CTNNA2: variants seen among roughly 807,000 people sequenced by gnomAD.
CTNNA2 encodes the protein catenin alpha-2.
CTNNA2 carries 42 observed loss-of-function variants against 101.0 expected under a neutral mutation model. The observed-to-expected ratio is 0.42, with a 90% confidence interval of 0.32 to 0.54. The LOEUF is 0.54. Among genes scored for constraint, CTNNA2 ranks in the 20% least tolerant of loss-of-function variants. The probability of loss-of-function intolerance (pLI) is 0.14; values close to 1 mark genes in which losing one functional copy is unlikely to be tolerated. For synonymous variants in CTNNA2, 450 were observed against 456.4 expected (o/e 0.99, Z 0.18); for missense variants, 871 against 1,223.1 (o/e 0.71, Z 4.29).
chr2:79,990,177 C>T lies in CTNNA2; in HGVS notation c.1056+80380C>T, dbSNP rs181191230. The stretch of plus-strand genomic sequence containing the variant: ...GGTAGATTTAGAAAGATGTGTGCCT[C>T]GCTCTAGGGAGAACTCAGGAAGCAG... On this transcript the variant is annotated intron_variant, in intron 7 of 18. Coordinates refer to ENST00000402739, the MANE Select transcript of CTNNA2 (RefSeq NM_001282597.3). 1.8e-4 allele frequency among the ~76,000 whole-genome samples: 28 copies of T among 152,186 alleles called. No individual in the cohort carries two copies. The East Asian group carries it at 4.4e-3, about 24-fold the overall frequency.
At chr2:79,523,062 T>C (rs1672206061) in intron 1 of CTNNA2, 1 of 232,770 alleles carries the variant, frequency 4.3e-6, no homozygotes. Context: ...GCTGAGATCA[T>C]AGGTATATAT....
At chr2:80,426,895 G>C (rs565541289) in intron 9 of CTNNA2, among the ~76,000 whole-genome samples, 1 of 152,064 alleles carries the variant, frequency 6.6e-6, no homozygotes, top group East Asian at 1.9e-4. Flanking sequence ...GCATTGTTCA[G>C]CTTTCAGCCT....
At chr2:80,391,742 ATTC>A (rs1368412362) in intron 7 of CTNNA2, among the ~76,000 whole-genome samples, 1 of 152,212 alleles carries the variant, frequency 6.6e-6, no homozygotes. Flanking sequence ...GCAGCACGTT[ATTC>A]TTCTCCATAC....
intron 2 of CTNNA2, among the ~76,000 whole-genome samples, chr2:79,711,233 G>A (rs749408484): frequency 2.0e-5 from 3 of 152,086 alleles, no homozygotes; most frequent in Admixed American, 2.0e-4. Context: ...TTGTCTGGTG[G>A]GAATGAGAAT....
At chr2:80,242,120 G>A (rs1391577718) in intron 7 of CTNNA2, among the ~76,000 whole-genome samples, 6 of 152,296 alleles carry the variant, frequency 3.9e-5, no homozygotes, top group Middle Eastern at 3.4e-3. Flanking sequence ...CCATAAAAGA[G>A]AGAAATAATA....
At chr2:79,193,498 T>A (rs11888122) in intron 1 of CTNNA2, among the ~76,000 whole-genome samples, 1 of 152,058 alleles carries the variant, frequency 6.6e-6, no homozygotes, top group Non-Finnish European at 1.5e-5. Context: ...TGTAGTAGCC[T>A]GTACCACCTA....
At chr2:79,194,383 C>T (rs1436171121) in intron 1 of CTNNA2, among the ~76,000 whole-genome samples, 1 of 152,158 alleles carries the variant, frequency 6.6e-6, no homozygotes, top group African/African-American at 2.4e-5. Context: ...GGAATGTCCA[C>T]TTATATCATT....
At chr2:79,253,950 G>C (rs1674806744) in intron 2 of CTNNA2, among the ~76,000 whole-genome samples, 1 of 152,052 alleles carries the variant, frequency 6.6e-6, no homozygotes, top group African/African-American at 2.4e-5. Flanking sequence ...AGAATGACTG[G>C]GACCAAGATA....
chr2:79,754,843 A>G (rs546188507), intron 3 of CTNNA2, among the ~76,000 whole-genome samples: 11 of 151,952 alleles, frequency 7.2e-5, no homozygotes, highest in Non-Finnish European at 1.2e-4. Flanking sequence ...CTGTATGGGG[A>G]GCGGAGGGGA....
At chr2:80,411,308 C>A (rs1679552978) in intron 8 of CTNNA2, among the ~76,000 whole-genome samples, 1 of 152,030 alleles carries the variant, frequency 6.6e-6, no homozygotes, top group Admixed American at 6.6e-5. Context: ...CCTAAATCCC[C>A]AGAAAGTGAG....
chr2:80,301,790 A>G (rs1235015663), intron 7 of CTNNA2: 1 of 149,374 alleles, frequency 6.7e-6, no homozygotes, highest in Non-Finnish European at 1.5e-5. Flanking sequence ...CCCCTGGACA[A>G]CTCCCTCCCC....
At chr2:80,342,871 C>T (rs1195437391) in intron 7 of CTNNA2, among the ~76,000 whole-genome samples, 1 of 152,154 alleles carries the variant, frequency 6.6e-6, no homozygotes, top group Non-Finnish European at 1.5e-5. Flanking sequence ...GACAGAGGTC[C>T]AAGATCAAGG....
intron 2 of CTNNA2, among the ~76,000 whole-genome samples, chr2:79,249,808 C>A (rs1256658950): frequency 6.6e-6 from 1 of 152,202 alleles, no homozygotes; most frequent in Non-Finnish European, 1.5e-5. Context: ...TTAGTCCCCT[C>A]TTTAGATTAG....
At chr2:79,612,809 A>G (rs1573476577) in intron 1 of CTNNA2, among the ~76,000 whole-genome samples, 1 of 152,140 alleles carries the variant, frequency 6.6e-6, no homozygotes, top group East Asian at 1.9e-4. Context: ...GGCATTGCTT[A>G]CCTGTTTTAA....
intron 11 of CTNNA2, among the ~76,000 whole-genome samples, chr2:80,551,421 G>A (rs935852377): frequency 1.3e-5 from 2 of 152,180 alleles, no homozygotes; most frequent in African/African-American, 4.8e-5. Flanking sequence ...GTTGTAAATG[G>A]CACCGTCTTC....
chr2:80,131,509 G>T (rs1405027402), intron 7 of CTNNA2, among the ~76,000 whole-genome samples: 1 of 152,126 alleles, frequency 6.6e-6, no homozygotes, highest in Non-Finnish European at 1.5e-5. Flanking sequence ...ATTTCTAAGA[G>T]ATTTTTGTTC....
At chr2:79,840,047 T>A (rs1679685662) in intron 3 of CTNNA2, among the ~76,000 whole-genome samples, 1 of 152,224 alleles carries the variant, frequency 6.6e-6, no homozygotes, top group Non-Finnish European at 1.5e-5. Context: ...TGCTCCATAT[T>A]TCCCATTCTG....
chr2:79,985,431 G>A (rs955402149), intron 7 of CTNNA2, among the ~76,000 whole-genome samples: 50 of 151,720 alleles, frequency 3.3e-4, no homozygotes, highest in African/African-American at 1.2e-3. Flanking sequence ...TGTGCAAACT[G>A]CCTCTTCAGT....
At chr2:79,328,469 A>G (rs1192645951) in intron 3 of CTNNA2, among the ~76,000 whole-genome samples, 6 of 152,306 alleles carry the variant, frequency 3.9e-5, no homozygotes, top group East Asian at 1.9e-4. Context: ...TGGGGATCAT[A>G]TATCTGCAGC....
Sources: gnomAD v4.1 joint callset for allele counts (sites outside exome capture counted in the v4.1 genomes callset) on GRCh38, gnomAD v4.1.1 for gene constraint, MANE v1.5 for transcripts, NCBI Gene and HGNC (gene_info 2026-07-23, HGNC 2026-07-21) for gene names.